Variants in MEGF11 observed in about 807,000 individuals in gnomAD.
MEGF11 encodes multiple epidermal growth factor-like domains protein 11.
Under a neutral mutation model 146.6 loss-of-function variants are expected in MEGF11, and 126 were observed. That is an observed-to-expected ratio of 0.86 (90% CI 0.74 to 1.00). MEGF11 has a LOEUF of 1.00. Ranked by LOEUF, MEGF11 falls within the 50% of genes least tolerant of loss-of-function variation. The pLI is 0.00. For synonymous variants in MEGF11, 532 were observed against 583.4 expected, an observed-to-expected ratio of 0.91 and a Z score of 1.27; for missense variants, 1,509 against 1,521.2, an observed-to-expected ratio of 0.99 and a Z score of 0.13.
intron 1 of MEGF11, among the ~76,000 whole-genome samples, chr15:66,248,944 C>T (rs980309478): frequency 6.6e-5 from 10 of 152,122 alleles, no homozygotes; most frequent in Non-Finnish European, 1.3e-4. Context: ...AAATAGAATC[C>T]AGATGAAAAA....
chr15:66,023,155 A>AAAAAAAC (rs959031982), intron 5 of MEGF11, among the ~76,000 whole-genome samples: 1 of 149,258 alleles, frequency 6.7e-6, no homozygotes, highest in African/African-American at 2.5e-5. Flanking sequence ...AAAAAAAAAA[A>AAAAAAAC]CAAACTTGTT....
At chr15:66,147,888 G>GA (rs905539861) in intron 1 of MEGF11, among the ~76,000 whole-genome samples, 5 of 152,166 alleles carry the variant, frequency 3.3e-5, no homozygotes, top group Non-Finnish European at 5.9e-5. Flanking sequence ...TTTTTAAGTG[G>GA]AAAAAAGTGA....
intron 5 of MEGF11, among the ~76,000 whole-genome samples, chr15:66,042,715 G>A (rs2084038536): frequency 6.6e-6 from 1 of 152,128 alleles, no homozygotes; most frequent in South Asian, 2.1e-4. Flanking sequence ...TGGTTTGCTG[G>A]CATCCTTGGC....
intron 15 of MEGF11, among the ~76,000 whole-genome samples, chr15:65,921,034 CTG>C (rs2079155701): frequency 6.6e-6 from 1 of 152,208 alleles, no homozygotes; most frequent in Non-Finnish European, 1.5e-5. Flanking sequence ...GTAAATGAAA[CTG>C]TCACATATGT....
At chr15:66,234,812 T>C (rs1367912196) in intron 1 of MEGF11, among the ~76,000 whole-genome samples, 3 of 152,214 alleles carry the variant, frequency 2.0e-5, no homozygotes, top group African/African-American at 7.2e-5. Context: ...GATCCTGATT[T>C]ACTCCCTGTT....
chr15:66,093,522 A>G (rs2086409251), intron 5 of MEGF11, among the ~76,000 whole-genome samples: 1 of 152,224 alleles, frequency 6.6e-6, no homozygotes, highest in Admixed American at 6.5e-5. Context: ...TCAGGTCACC[A>G]TAAAGAGACT....
rs564964607 is a variant in MEGF11, at chr15:65,896,263, A to G, written c.*1671T>C. 6.5e-6 allele frequency: 1 copy of G among 152,796 alleles called. No individual in the cohort carries two copies. The highest frequency in any genetic ancestry group is 2.1e-4 in the South Asian group (1 of 4,828). 9.5% of individuals were successfully genotyped at this position (152,796 alleles called of 1,614,324 possible). Reference sequence around the variant, plus strand: ...TCAGTTGCTCCCATGCACACATGCAACATTCATGTAAGTATTACATATTTT... The same window carrying G: ...TCAGTTGCTCCCATGCACACATGCAGCATTCATGTAAGTATTACATATTTT... On this transcript the variant is annotated 3_prime_UTR_variant, in exon 26 of 26. Coordinates refer to ENST00000395614, the MANE Select transcript of MEGF11 (RefSeq NM_001385028.1).
chr15:66,024,064 G>A (rs2083249028), intron 5 of MEGF11, among the ~76,000 whole-genome samples: 1 of 152,228 alleles, frequency 6.6e-6, no homozygotes, highest in Non-Finnish European at 1.5e-5. Flanking sequence ...GGAAAGAACT[G>A]CAGGCTCAGG....
chr15:66,016,969 A>G (rs1321281228), intron 5 of MEGF11, among the ~76,000 whole-genome samples: 1 of 152,086 alleles, frequency 6.6e-6, no homozygotes, highest in Non-Finnish European at 1.5e-5. Flanking sequence ...TCTCTGGTTC[A>G]CCCATGGTCG....
chr15:65,909,727 C>T lies in MEGF11; in HGVS notation c.2896+13G>A, dbSNP rs565659108. 1.6e-5 allele frequency: 25 copies of T among 1,565,702 alleles called. No homozygotes were observed. The East Asian group carries it at 5.8e-4, about 36-fold the overall frequency. On this transcript the variant is annotated intron_variant, in intron 22 of 25. Coordinates refer to ENST00000395614, the MANE Select transcript of MEGF11 (RefSeq NM_001385028.1). The stretch of plus-strand genomic sequence containing the variant: ...GACATGATGGTGGGGACCAGACTCA[C>T]ACCACTACTGACCTAACACGTTCAC...
chr15:66,154,300 G>A (rs1413441949), intron 1 of MEGF11, among the ~76,000 whole-genome samples: 1 of 152,014 alleles, frequency 6.6e-6, no homozygotes, highest in Non-Finnish European at 1.5e-5. Context: ...CCAACCTCGC[G>A]CTCGCCCACA....
intron 10 of MEGF11, 42 bp downstream of exon 10, chr15:65,957,505 G>T: frequency 1.3e-6 from 2 of 1,585,542 alleles, no homozygotes; most frequent in East Asian, 2.3e-5. Flanking sequence ...GAACTGGCCC[G>T]GTGGAGGTCA....
chr15:65,963,232 G>T lies in MEGF11; in HGVS notation c.1112+1676C>A, dbSNP rs1012754713. Among the ~76,000 whole-genome samples the T allele has an allele frequency of 3.3e-5, 5 of 152,162 alleles. No homozygotes were observed. In the South Asian group the frequency reaches 1.0e-3, roughly 32 times the overall value. ...ACACATGCAACAGTCTGAGCCAGCT[G>T]CCCAGTCCCCTGACCAGCCATATGA... On this transcript the variant is annotated intron_variant, in intron 9 of 25. Transcript: ENST00000395614.
At position 66,235,894 on chromosome 15, in the gene MEGF11, C is replaced by T. The variant is rs528978666; in HGVS notation, c.-9+17711G>A. Among the ~76,000 whole-genome samples, 445 of 152,312 alleles carry T rather than the reference C, an allele frequency of 2.9e-3. 2 individuals are homozygous for T. Among genetic ancestry groups the T allele is most frequent in the Non-Finnish European group, 3.9e-3 (267 of 68,026 alleles). On this transcript the variant is annotated intron_variant, in intron 1 of 25. Transcript: ENST00000395614. ...GTTCAGTGTGACAACAAATCTTTAA[C>T]CCTACTACATGCCAGGGACAGCACT... is the stretch of plus-strand genomic sequence containing the variant.
intron 1 of MEGF11, among the ~76,000 whole-genome samples, chr15:66,153,021 C>A (rs2141044128): frequency 6.6e-6 from 1 of 152,348 alleles, no homozygotes; most frequent in African/African-American, 2.4e-5. Flanking sequence ...GACCCTGCTC[C>A]AACACCTCCA....
chr15:66,119,327 A>T (rs1471823116), intron 3 of MEGF11, 141 bp from the exon 4 acceptor site: 6 of 641,132 alleles, frequency 9.4e-6, no homozygotes. Flanking sequence ...ATGAAGGAAC[A>T]CAATAAAAAA....
intron 5 of MEGF11, among the ~76,000 whole-genome samples, chr15:65,994,356 C>G (rs1047859989): frequency 6.6e-6 from 1 of 152,140 alleles, no homozygotes; most frequent in Admixed American, 6.5e-5. Flanking sequence ...GTGGGCCACA[C>G]CCCCACTAAG....
chr15:66,172,917 G>T (rs868681204), intron 1 of MEGF11, among the ~76,000 whole-genome samples: 1 of 152,186 alleles, frequency 6.6e-6, no homozygotes, highest in East Asian at 1.9e-4. Context: ...TCACCAGCCT[G>T]ACTTTTCCGC....
intron 1 of MEGF11, among the ~76,000 whole-genome samples, chr15:66,226,278 ACT>A (rs2091850700): frequency 1.3e-4 from 2 of 15,572 alleles, no homozygotes; most frequent in African/African-American, 5.7e-4. Context: ...AGACAGTCTC[ACT>A]CTGTCACCCA....
Sources: allele counts gnomAD v4.1 joint callset (sites outside exome capture counted in the v4.1 genomes callset), GRCh38; gene constraint gnomAD v4.1.1; transcripts MANE v1.5; gene names NCBI Gene and HGNC (gene_info 2026-07-23, HGNC 2026-07-21).